TAB2: variants seen among roughly 807,000 people sequenced by gnomAD.
The protein encoded by TAB2 is TGF-beta-activated kinase 1 and MAP3K7-binding protein 2.
In TAB2, 3 loss-of-function variants were observed where a neutral mutation model predicts 65.0. The observed-to-expected ratio is 0.05, with a 90% CI of 0.02 to 0.12. The LOEUF is 0.12. Among genes scored for constraint, TAB2 ranks in the 10% least tolerant of loss-of-function variants. The probability of loss-of-function intolerance (pLI) is 1.00; values close to 1 mark genes in which losing one functional copy is unlikely to be tolerated. For synonymous variants in TAB2, 298 were observed against 285.1 expected (o/e 1.05, Z -0.46); for missense variants, 623 against 840.3 (o/e 0.74, Z 3.20).
chr6:149,289,256 A>C (rs1255188582), intron 1 of TAB2, among the ~76,000 whole-genome samples: 2 of 152,112 alleles, frequency 1.3e-5, no homozygotes, highest in Non-Finnish European at 2.9e-5. Context: ...GGCAGAGTGC[A>C]GTGGCTCATG....
intron 6 of TAB2, chr6:149,400,925 G>A: frequency 4.2e-6 from 2 of 474,482 alleles, no homozygotes; most frequent in Non-Finnish European, 3.8e-6. Flanking sequence ...GACATCAAGT[G>A]GAGACAGGAT....
intron 1 of TAB2, among the ~76,000 whole-genome samples, chr6:149,345,377 A>T (rs1339194644): frequency 6.6e-6 from 1 of 152,196 alleles, no homozygotes; most frequent in Non-Finnish European, 1.5e-5. Flanking sequence ...CTGCACATCC[A>T]TAACAGTTTC....
At chr6:149,379,723 G>A (rs1781548071) in intron 3 of TAB2, among the ~76,000 whole-genome samples, 1 of 152,058 alleles carries the variant, frequency 6.6e-6, no homozygotes, top group Non-Finnish European at 1.5e-5. Context: ...GGAAGTTTGA[G>A]TAATTGGGTT....
At chr6:149,328,321 T>C in intron 1 of TAB2, among the ~76,000 whole-genome samples, 1 of 152,098 alleles carries the variant, frequency 6.6e-6, no homozygotes, top group Non-Finnish European at 1.5e-5. Flanking sequence ...TGAGAGGGAG[T>C]CTGCTCTGTC....
chr6:149,337,003 G>A (rs1307806912), intron 1 of TAB2, among the ~76,000 whole-genome samples: 1 of 151,676 alleles, frequency 6.6e-6, no homozygotes, highest in African/African-American at 2.4e-5. Context: ...GATTTTAAGC[G>A]GCAGACTACA....
At chr6:149,390,151 A>G (rs2114922079) in intron 3 of TAB2, among the ~76,000 whole-genome samples, 1 of 152,332 alleles carries the variant, frequency 6.6e-6, no homozygotes, top group East Asian at 1.9e-4. Flanking sequence ...TATAAAACAG[A>G]TGTGATTCCT....
At chr6:149,262,285 C>T (rs1778168970) in intron 1 of TAB2, among the ~76,000 whole-genome samples, 1 of 152,196 alleles carries the variant, frequency 6.6e-6, no homozygotes, top group South Asian at 2.1e-4. Flanking sequence ...GTAATCCCAA[C>T]ACTTTGGGAG....
At chr6:149,407,820 A>G (rs1172358249) in intron 6 of TAB2, among the ~76,000 whole-genome samples, 2 of 152,066 alleles carry the variant, frequency 1.3e-5, no homozygotes, top group African/African-American at 4.8e-5. Context: ...AAGTGAGATT[A>G]TAAGAAAACC....
chr6:149,404,221 C>T (rs960962803), intron 6 of TAB2, among the ~76,000 whole-genome samples: 6 of 151,974 alleles, frequency 3.9e-5, no homozygotes, highest in Admixed American at 6.6e-5. Context: ...ATCCCATTCA[C>T]AATAGCAAGA....
At chr6:149,333,551 G>A (rs1779844435) in intron 1 of TAB2, among the ~76,000 whole-genome samples, 1 of 152,174 alleles carries the variant, frequency 6.6e-6, no homozygotes, top group Admixed American at 6.5e-5. Flanking sequence ...GATGGTAGAT[G>A]TATAGGCCAA....
chr6:149,302,736 G>A (rs1002165708), intron 1 of TAB2, among the ~76,000 whole-genome samples: 4 of 152,090 alleles, frequency 2.6e-5, no homozygotes, highest in African/African-American at 9.7e-5. Flanking sequence ...CTTCACTTGG[G>A]GTCATATCTA....
At chr6:149,281,804 G>T (rs1246127721) in intron 1 of TAB2, among the ~76,000 whole-genome samples, 1 of 151,804 alleles carries the variant, frequency 6.6e-6, no homozygotes, top group Non-Finnish European at 1.5e-5. Flanking sequence ...GGCAAAGATT[G>T]TCAAATTGAA....
intron 2 of TAB2, among the ~76,000 whole-genome samples, chr6:149,374,652 A>G (rs527370204): frequency 6.6e-6 from 1 of 152,354 alleles, no homozygotes; most frequent in South Asian, 2.1e-4. Context: ...TGAATCTACC[A>G]GTTGGTTTTA....
intron 1 of TAB2, among the ~76,000 whole-genome samples, chr6:149,250,540 A>G (rs1254106493): frequency 6.6e-6 from 1 of 152,218 alleles, no homozygotes; most frequent in Admixed American, 6.5e-5. Context: ...TCCTGACCTC[A>G]GGCGATCTGC....
chr6:149,255,883 A>G (rs1049724661), intron 1 of TAB2, among the ~76,000 whole-genome samples: 3 of 152,264 alleles, frequency 2.0e-5, no homozygotes, highest in African/African-American at 4.8e-5. Context: ...GTTGCAGACC[A>G]TATATACAAC....
intron 1 of TAB2, among the ~76,000 whole-genome samples, chr6:149,309,712 TA>T (rs60687477): frequency 4.7e-5 from 7 of 150,244 alleles, no homozygotes; most frequent in Non-Finnish European, 5.9e-5. Context: ...TATTCCTCTT[TA>T]AAAAAAAAAT....
At chr6:149,286,899 T>A (rs1778686158) in intron 1 of TAB2, among the ~76,000 whole-genome samples, 1 of 152,112 alleles carries the variant, frequency 6.6e-6, no homozygotes, top group South Asian at 2.1e-4. Flanking sequence ...GTGGATCACC[T>A]GAGGTCAGGA....
chr6:149,300,830 A>G (rs988281710), intron 1 of TAB2, among the ~76,000 whole-genome samples: 1 of 152,180 alleles, frequency 6.6e-6, no homozygotes, highest in African/African-American at 2.4e-5. Context: ...TAGCTTCAAG[A>G]CCTAAATCAT....
chr6:149,344,403 G>C (rs1316005427), intron 1 of TAB2, among the ~76,000 whole-genome samples: 1 of 152,190 alleles, frequency 6.6e-6, no homozygotes, highest in African/African-American at 2.4e-5. Context: ...GAGTACTGGA[G>C]AGAATCAGCT....
Sources: allele counts gnomAD v4.1 joint callset (sites outside exome capture counted in the v4.1 genomes callset), GRCh38; gene constraint gnomAD v4.1.1; transcripts MANE v1.5; gene names NCBI Gene and HGNC (gene_info 2026-07-23, HGNC 2026-07-21).